STX8: variants seen among roughly 807,000 people sequenced by gnomAD.
STX8 encodes syntaxin 8, also known as syntaxin-8.
A neutral mutation model predicts 37.5 loss-of-function variants in STX8; 23 were observed. The ratio of observed to expected loss-of-function variants is 0.61; its 90% CI spans 0.44 to 0.87. STX8 has a LOEUF of 0.87. Among genes scored for constraint, STX8 ranks in the 40% least tolerant of loss-of-function variants. The pLI is 0.00. For synonymous variants in STX8, 115 were observed against 99.1 expected (o/e 1.16, Z -0.95); for missense variants, 313 against 284.7 (o/e 1.10, Z -0.71).
intron 3 of STX8, chr17:9,553,425 C>G (rs1224614380): frequency 1.3e-5 from 2 of 152,144 alleles, no homozygotes; most frequent in Non-Finnish European, 1.5e-5. Flanking sequence ...GTTTAGAAAG[C>G]ATTTGCACAG....
intron 7 of STX8, among the ~76,000 whole-genome samples, chr17:9,275,362 G>A (rs933629858): frequency 6.6e-6 from 1 of 152,084 alleles, no homozygotes; most frequent in Non-Finnish European, 1.5e-5. Flanking sequence ...CTTCACTGAC[G>A]CAGGGAGACA....
intron 6 of STX8, among the ~76,000 whole-genome samples, chr17:9,487,449 G>A (rs187447245): frequency 9.9e-5 from 15 of 151,982 alleles, no homozygotes; most frequent in Non-Finnish European, 2.1e-4. Flanking sequence ...GCCTTTTTTC[G>A]CTTTAACAAA....
At chr17:9,475,082 G>A (rs1378272421) in intron 6 of STX8, among the ~76,000 whole-genome samples, 2 of 152,194 alleles carry the variant, frequency 1.3e-5, no homozygotes, top group African/African-American at 4.8e-5. Flanking sequence ...AAATGCAAAA[G>A]AGAGAGACTT....
chr17:9,291,689 T>C (rs915367825), intron 7 of STX8, among the ~76,000 whole-genome samples: 1 of 152,182 alleles, frequency 6.6e-6, no homozygotes, highest in Non-Finnish European at 1.5e-5. Flanking sequence ...TATTGTAAAC[T>C]ACCCATGTCC....
chr17:9,422,984 A>C (rs1913497858), intron 6 of STX8, among the ~76,000 whole-genome samples: 1 of 152,240 alleles, frequency 6.6e-6, no homozygotes, highest in Non-Finnish European at 1.5e-5. Flanking sequence ...AATCAGGTAA[A>C]TCTGTACGTG....
At chr17:9,565,700 G>A (rs995734947) in intron 2 of STX8, among the ~76,000 whole-genome samples, 1 of 151,050 alleles carries the variant, frequency 6.6e-6, no homozygotes, top group Admixed American at 6.6e-5. Context: ...ACAAAAACAA[G>A]CAATGGGGGA....
intron 7 of STX8, among the ~76,000 whole-genome samples, chr17:9,251,961 C>T (rs542753172): frequency 3.8e-4 from 57 of 150,908 alleles, no homozygotes; most frequent in South Asian, 1.5e-3. Context: ...GTCAGGAGTT[C>T]GAGACCAGCC....
At chr17:9,327,201 GA>G in intron 7 of STX8, among the ~76,000 whole-genome samples, 2 of 147,884 alleles carry the variant, frequency 1.4e-5, no homozygotes, top group African/African-American at 5.0e-5. Context: ...AAGGAAGAAG[GA>G]AGAAGGAGGA....
chr17:9,574,736 G>T (rs1161713746), intron 1 of STX8, among the ~76,000 whole-genome samples: 1 of 152,196 alleles, frequency 6.6e-6, no homozygotes, highest in Non-Finnish European at 1.5e-5. Flanking sequence ...GTTTCTCCAT[G>T]TTGGTCAGGC....
At chr17:9,505,384 G>C (rs1002355831) in intron 4 of STX8, among the ~76,000 whole-genome samples, 1 of 152,168 alleles carries the variant, frequency 6.6e-6, no homozygotes, top group Non-Finnish European at 1.5e-5. Flanking sequence ...GCCTGTTATA[G>C]AGATGATGGG....
At chr17:9,509,193 G>A (rs543005739) in intron 4 of STX8, among the ~76,000 whole-genome samples, 37 of 152,278 alleles carry the variant, frequency 2.4e-4, no homozygotes, top group African/African-American at 8.7e-4. Flanking sequence ...AGGTTGCAGT[G>A]AGCTGAGACC....
chr17:9,361,637 T>A (rs1911066799), intron 7 of STX8, among the ~76,000 whole-genome samples: 1 of 152,224 alleles, frequency 6.6e-6, no homozygotes, highest in African/African-American at 2.4e-5. Flanking sequence ...ATATTACAAT[T>A]CCATCTTTAA....
At chr17:9,370,389 C>T (rs1387003161) in intron 7 of STX8, among the ~76,000 whole-genome samples, 2 of 152,070 alleles carry the variant, frequency 1.3e-5, no homozygotes, top group Non-Finnish European at 2.9e-5. Context: ...TTAGAGAGGG[C>T]AAGCAGCTCT....
intron 6 of STX8, among the ~76,000 whole-genome samples, chr17:9,482,557 C>T (rs1215851221): frequency 6.6e-6 from 1 of 152,110 alleles, no homozygotes; most frequent in Non-Finnish European, 1.5e-5. Flanking sequence ...GCTAAATAAA[C>T]AGTTTGAGAG....
intron 7 of STX8, among the ~76,000 whole-genome samples, chr17:9,364,538 AT>A (rs896954059): frequency 4.0e-5 from 6 of 151,262 alleles, no homozygotes; most frequent in East Asian, 1.9e-4. Flanking sequence ...TGTTGTTTAT[AT>A]TTTTTTTTGA....
At chr17:9,492,464 C>T (rs1906897673) in intron 5 of STX8, among the ~76,000 whole-genome samples, 7 of 152,060 alleles carry the variant, frequency 4.6e-5, no homozygotes, top group Non-Finnish European at 7.4e-5. Flanking sequence ...TACTGACGGC[C>T]GTATTTCTCA....
At chr17:9,339,219 C>T (rs764894340) in intron 7 of STX8, among the ~76,000 whole-genome samples, 2 of 152,162 alleles carry the variant, frequency 1.3e-5, no homozygotes, top group African/African-American at 2.4e-5. Context: ...CCTTGGCATG[C>T]GGCTGCTCAG....
chr17:9,263,957 C>T (rs1001494693), intron 7 of STX8, among the ~76,000 whole-genome samples: 1 of 152,218 alleles, frequency 6.6e-6, no homozygotes, highest in African/African-American at 2.4e-5. Flanking sequence ...AGAAGTGACA[C>T]TCTGTGACTT....
intron 7 of STX8, among the ~76,000 whole-genome samples, chr17:9,297,560 C>G (rs1250625388): frequency 6.6e-6 from 1 of 152,210 alleles, no homozygotes; most frequent in Admixed American, 6.5e-5. Context: ...GGCTAGGCAA[C>G]AGCAAGTACT....
Sources: allele counts gnomAD v4.1 joint callset (sites outside exome capture counted in the v4.1 genomes callset), GRCh38; gene constraint gnomAD v4.1.1; transcripts MANE v1.5; gene names NCBI Gene and HGNC (gene_info 2026-07-23, HGNC 2026-07-21).